Variants in ELMO1 observed in about 807,000 individuals in gnomAD.
ELMO1 encodes engulfment and cell motility 1, also known as engulfment and cell motility protein 1.
ELMO1 carries 26 observed loss-of-function variants against 98.9 expected under a neutral mutation model. The observed-to-expected ratio is 0.26, with a 90% confidence interval of 0.19 to 0.36. The LOEUF (loss-of-function observed/expected upper bound fraction) is 0.36, where lower values mean the gene tolerates loss of function less well. Among genes scored for constraint, ELMO1 ranks in the 10% least tolerant of loss-of-function variants. The probability of loss-of-function intolerance (pLI) is 1.00; values close to 1 mark genes in which losing one functional copy is unlikely to be tolerated. For synonymous variants in ELMO1, 346 were observed against 346.0 expected (o/e 1.00, Z 0.00); for missense variants, 627 against 935.2 (o/e 0.67, Z 4.30).
intron 18 of ELMO1, among the ~76,000 whole-genome samples, chr7:36,883,162 T>C (rs540721503): frequency 3.9e-5 from 6 of 152,244 alleles, no homozygotes; most frequent in African/African-American, 1.4e-4. Context: ...TTGCCCAACA[T>C]TGAGTTCCAA....
intron 13 of ELMO1, among the ~76,000 whole-genome samples, chr7:37,145,438 A>G (rs1787922088): frequency 6.6e-6 from 1 of 152,220 alleles, no homozygotes; most frequent in African/African-American, 2.4e-5. Context: ...TTATTCAGAA[A>G]CAGGAATTAT....
intron 1 of ELMO1, among the ~76,000 whole-genome samples, chr7:37,385,034 T>C (rs1802738371): frequency 6.6e-6 from 1 of 152,224 alleles, no homozygotes; most frequent in Admixed American, 6.5e-5. Flanking sequence ...GTAAACACTG[T>C]CTAGGAATTA....
chr7:36,971,273 GA>G (rs1214257437), intron 16 of ELMO1, among the ~76,000 whole-genome samples: 4 of 152,188 alleles, frequency 2.6e-5, no homozygotes, highest in African/African-American at 9.7e-5. Flanking sequence ...GGAGGCGAGA[GA>G]AAGTTTTGGC....
chr7:37,082,465 A>G (rs1467220161), intron 15 of ELMO1, among the ~76,000 whole-genome samples: 1 of 152,156 alleles, frequency 6.6e-6, no homozygotes, highest in Non-Finnish European at 1.5e-5. Flanking sequence ...GCACTTTGGG[A>G]GGCCAGAGCA....
At chr7:37,052,872 A>ACC (rs530722925) in intron 15 of ELMO1, among the ~76,000 whole-genome samples, 2 of 152,084 alleles carry the variant, frequency 1.3e-5, no homozygotes, top group African/African-American at 4.8e-5. Flanking sequence ...GAGAGCACCA[A>ACC]CCCCCCAGGT....
intron 1 of ELMO1, among the ~76,000 whole-genome samples, chr7:37,431,655 T>C (rs76175827): frequency 0.045 from 6,807 of 152,278 alleles, 423 homozygotes; most frequent in African/African-American, 0.14. Flanking sequence ...AAATGTATTC[T>C]GTTAATCTTT....
At chr7:37,141,380 T>C (rs1215464203) in intron 13 of ELMO1, among the ~76,000 whole-genome samples, 2 of 151,872 alleles carry the variant, frequency 1.3e-5, no homozygotes, top group East Asian at 1.9e-4. Flanking sequence ...AGAATGGGGG[T>C]TGGTGAGGGA....
At chr7:37,218,987 T>C (rs1231332418) in intron 10 of ELMO1, among the ~76,000 whole-genome samples, 1 of 152,250 alleles carries the variant, frequency 6.6e-6, no homozygotes, top group African/African-American at 2.4e-5. Context: ...ATATTTGCCA[T>C]TGAAATAGTG....
chr7:37,091,386 C>T (rs769893715), intron 15 of ELMO1, among the ~76,000 whole-genome samples: 19 of 152,290 alleles, frequency 1.2e-4, no homozygotes, highest in Non-Finnish European at 2.2e-4. Flanking sequence ...GGATTACAGG[C>T]GTGAGCTACC....
Position 37,148,567 on chromosome 7 carries a change from A to C in ELMO1, c.1087-15333T>G, listed in dbSNP as rs139506842. ...GTTGATTCAACAGTCAATACAAAGA[A>C]TTACCATAAAAACTCAATTAAAAAA... is the stretch of plus-strand genomic sequence containing the variant. On this transcript the variant is annotated intron_variant, in intron 13 of 21. Transcript: ENST00000310758. Among the ~76,000 whole-genome samples the C allele has an allele frequency of 2.3e-3, 348 of 152,374 alleles. 2 individuals are homozygous for C. Among genetic ancestry groups the C allele is most frequent in the African/African-American group, 7.6e-3 (316 of 41,586 alleles).
At chr7:37,237,147 T>G (rs1419258658) in intron 7 of ELMO1, among the ~76,000 whole-genome samples, 2 of 152,234 alleles carry the variant, frequency 1.3e-5, no homozygotes, top group African/African-American at 4.8e-5. Context: ...ATGTTTCTCA[T>G]CAACTTAGTA....
At chr7:36,874,365 T>G (rs1803773839) in intron 19 of ELMO1, among the ~76,000 whole-genome samples, 1 of 152,234 alleles carries the variant, frequency 6.6e-6, no homozygotes, top group South Asian at 2.1e-4. Flanking sequence ...AATAAGTTAC[T>G]TAATCTTTCT....
At chr7:36,965,171 C>G (rs1419014698) in intron 16 of ELMO1, among the ~76,000 whole-genome samples, 2 of 152,162 alleles carry the variant, frequency 1.3e-5, no homozygotes, top group Admixed American at 1.3e-4. Context: ...AGTTCTCTCC[C>G]TAAGATCCGT....
intron 20 of ELMO1, among the ~76,000 whole-genome samples, chr7:36,869,722 A>G (rs1448515137): frequency 1.3e-5 from 2 of 152,232 alleles, no homozygotes; most frequent in African/African-American, 4.8e-5. Context: ...GTCTTTTCAA[A>G]TAATATTCCC....
chr7:37,116,384 A>G (rs576565162), intron 14 of ELMO1, among the ~76,000 whole-genome samples: 8 of 152,320 alleles, frequency 5.3e-5, no homozygotes, highest in African/African-American at 1.9e-4. Flanking sequence ...AAGACATAAA[A>G]ATGGACAATA....
chr7:36,861,546 T>C (rs2129033589), intron 21 of ELMO1, 113 bp downstream of exon 21: 2 of 1,252,578 alleles, frequency 1.6e-6, no homozygotes, highest in African/African-American at 3.0e-5. Context: ...AAGATGCCCC[T>C]TGGTTCATCA....
In ELMO1 at chr7:37,425,499, T is replaced by C. The variant is rs575197573; in HGVS notation, c.-74+23176A>G. Among the ~76,000 whole-genome samples, 20 of 152,358 alleles carry C rather than the reference T, an allele frequency of 1.3e-4. No individual in the cohort carries two copies. The South Asian group carries it at 3.9e-3, about 30-fold the overall frequency. On this transcript the variant is annotated intron_variant, in intron 1 of 21. Transcript: ENST00000310758. Reference sequence around the variant, plus strand: ...ACATGTGTCTCCTTATATCTGTGTCTTGTCCACTGGTTCAATGCTGTACCA... The same window carrying C: ...ACATGTGTCTCCTTATATCTGTGTCCTGTCCACTGGTTCAATGCTGTACCA...
At chr7:37,297,206 G>A (rs988771753) in intron 4 of ELMO1, among the ~76,000 whole-genome samples, 3 of 152,096 alleles carry the variant, frequency 2.0e-5, no homozygotes, top group South Asian at 2.1e-4. Context: ...CAGAGTTTAC[G>A]CTGATTGTTT....
chr7:37,022,110 C>T (rs563578952), intron 15 of ELMO1, among the ~76,000 whole-genome samples: 1 of 152,082 alleles, frequency 6.6e-6, no homozygotes, highest in Admixed American at 6.6e-5. Context: ...ATCAGTTCTG[C>T]GTGGATTATA....
Sources: allele counts gnomAD v4.1 joint callset (sites outside exome capture counted in the v4.1 genomes callset), GRCh38; gene constraint gnomAD v4.1.1; transcripts MANE v1.5; gene names NCBI Gene and HGNC (gene_info 2026-07-23, HGNC 2026-07-21).